MAN2A1: variants seen among roughly 807,000 people sequenced by gnomAD.
MAN2A1 encodes alpha-mannosidase 2.
MAN2A1 carries 76 observed loss-of-function variants against 142.6 expected under a neutral mutation model. The ratio of observed to expected loss-of-function variants is 0.53; its 90% CI spans 0.44 to 0.65. MAN2A1 has a LOEUF of 0.65. Ranked by LOEUF, MAN2A1 falls within the 30% of genes least tolerant of loss-of-function variation. The probability of loss-of-function intolerance (pLI) is 0.00; values close to 1 mark genes in which losing one functional copy is unlikely to be tolerated. For missense variants in MAN2A1, 1,311 were observed against 1,365.1 expected (o/e 0.96, Z 0.62); for synonymous variants, 559 against 473.2 (o/e 1.18, Z -2.35).
intron 8 of MAN2A1, among the ~76,000 whole-genome samples, chr5:109,776,508 G>A (rs1753296963): frequency 6.6e-6 from 1 of 152,044 alleles, no homozygotes; most frequent in Admixed American, 6.6e-5. Context: ...TTGGTTCATA[G>A]AAGCATCTGG....
At chr5:109,830,744 A>G (rs1044921924) in intron 16 of MAN2A1, among the ~76,000 whole-genome samples, 6 of 152,238 alleles carry the variant, frequency 3.9e-5, no homozygotes, top group East Asian at 1.9e-4. Context: ...ATAATATGCA[A>G]TTGACTGCTA....
At chr5:109,764,995 T>G (rs1298622778) in intron 5 of MAN2A1, among the ~76,000 whole-genome samples, 1 of 152,168 alleles carries the variant, frequency 6.6e-6, no homozygotes, top group Non-Finnish European at 1.5e-5. Context: ...CCCTTATCTC[T>G]AAATACTTCA....
chr5:109,732,778 G>A (rs2112589577), intron 4 of MAN2A1, among the ~76,000 whole-genome samples: 1 of 152,226 alleles, frequency 6.6e-6, no homozygotes, highest in Non-Finnish European at 1.5e-5. Context: ...TTGTAGTATA[G>A]TTTGAAGTCA....
chr5:109,736,527 GT>G (rs971107086), intron 4 of MAN2A1, among the ~76,000 whole-genome samples: 1 of 151,660 alleles, frequency 6.6e-6, no homozygotes, highest in African/African-American at 2.4e-5. Context: ...TAAAAAAAAA[GT>G]TTTTTTTAGG....
intron 5 of MAN2A1, among the ~76,000 whole-genome samples, chr5:109,764,563 T>C (rs1157952206): frequency 1.3e-5 from 2 of 152,188 alleles, no homozygotes; most frequent in Admixed American, 6.5e-5. Context: ...CTATCCCTAG[T>C]TCTCCACTCC....
Position 109,690,336 on chromosome 5 carries a change from C to G in MAN2A1, c.-82C>G. On this transcript the variant is annotated 5_prime_UTR_variant, in exon 1 of 22. Transcript: ENST00000261483. ...CGCGCAGCCCGGGAGAAGGGAGCCT[C>G]CGGCGGCTGCTTCCTAGAGTCCACA... 6.7e-7 allele frequency: 1 copy of G among 1,496,984 alleles called. No individual in the cohort carries two copies. Among genetic ancestry groups the G allele is most frequent in the African/African-American group, 1.4e-5 (1 of 72,552 alleles). The allele number at this position is 1,496,984 out of a possible 1,614,324, so 92.7% of individuals were successfully genotyped here. A position where few individuals can be genotyped will look rare whatever the true frequency, so the allele number is the denominator to read the frequency against.
At chr5:109,707,583 A>G (rs535301910) in intron 1 of MAN2A1, among the ~76,000 whole-genome samples, 13 of 152,186 alleles carry the variant, frequency 8.5e-5, no homozygotes, top group African/African-American at 1.2e-4. Context: ...ACAAGAAATA[A>G]ATTGAGATAA....
At chr5:109,734,013 G>A (rs1461322401) in intron 4 of MAN2A1, among the ~76,000 whole-genome samples, 3 of 152,084 alleles carry the variant, frequency 2.0e-5, no homozygotes, top group Non-Finnish European at 2.9e-5. Context: ...TGGTTGGTAA[G>A]CTATTGATTA....
Position 109,855,151 on chromosome 5 carries a change from G to A in MAN2A1, c.2988G>A (p.Lys996=). Residue 996 remains lysine, a synonymous_variant, in exon 20 of 22, where the codon AAG becomes AAA. Transcript: ENST00000261483. The part of the protein sequence containing the change: ...KRSAVNTEEE[K]KSVSYPSLLS... ...TTTTTTCTTGATAGGAAGAAGAAAA[G>A]AAGTCGGTCAGTTATCCTTCTCTCC... 1 of 1,541,784 alleles carries A rather than the reference G, an allele frequency of 6.5e-7. No homozygotes were observed. Among genetic ancestry groups the A allele is most frequent in the South Asian group, 1.3e-5 (1 of 76,036 alleles).
intron 8 of MAN2A1, among the ~76,000 whole-genome samples, chr5:109,775,877 A>G (rs1753277192): frequency 6.6e-6 from 1 of 152,102 alleles, no homozygotes; most frequent in African/African-American, 2.4e-5. Flanking sequence ...AGCAATAATC[A>G]TATATTGCAT....
chr5:109,762,495 G>C (rs1752878689), intron 5 of MAN2A1, among the ~76,000 whole-genome samples: 1 of 152,094 alleles, frequency 6.6e-6, no homozygotes. Context: ...GAGGCCTCTT[G>C]TGAGAGAGCA....
At chr5:109,856,770 G>A (rs993818929) in intron 20 of MAN2A1, among the ~76,000 whole-genome samples, 7 of 151,744 alleles carry the variant, frequency 4.6e-5, no homozygotes, top group South Asian at 2.1e-4. Context: ...GCAAATGCTC[G>A]AGGCGTGTGT....
At chr5:109,727,518 C>T (rs1199520924) in intron 3 of MAN2A1, among the ~76,000 whole-genome samples, 1 of 152,128 alleles carries the variant, frequency 6.6e-6, no homozygotes, top group Non-Finnish European at 1.5e-5. Flanking sequence ...CAGATCTGTC[C>T]ATAACAAGGG....
intron 3 of MAN2A1, among the ~76,000 whole-genome samples, chr5:109,723,124 G>C (rs1008038526): frequency 1.1e-4 from 16 of 152,274 alleles, no homozygotes; most frequent in Admixed American, 3.3e-4. Flanking sequence ...GTATAGGGCT[G>C]CAGGATGAAC....
chr5:109,778,371 A>G (rs1313530966), intron 8 of MAN2A1, among the ~76,000 whole-genome samples: 1 of 151,964 alleles, frequency 6.6e-6, no homozygotes, highest in African/African-American at 2.4e-5. Context: ...CTTTCTTACC[A>G]TGTACAATGG....
At chr5:109,832,161 C>CTTTTTTT (rs70999945) in intron 16 of MAN2A1, among the ~76,000 whole-genome samples, 119 of 51,096 alleles carry the variant, frequency 2.3e-3, no homozygotes, top group Non-Finnish European at 2.8e-3. Context: ...AAGGAGTTTT[C>CTTTTTTT]TTTTTTTTTT....
intron 3 of MAN2A1, among the ~76,000 whole-genome samples, chr5:109,727,011 G>A (rs910412556): frequency 6.6e-6 from 1 of 152,086 alleles, no homozygotes; most frequent in Non-Finnish European, 1.5e-5. Flanking sequence ...ATTTACTTAC[G>A]TACATTTGAA....
chr5:109,759,131 A>T (rs1336753720), intron 5 of MAN2A1, among the ~76,000 whole-genome samples: 1 of 152,100 alleles, frequency 6.6e-6, no homozygotes, highest in African/African-American at 2.4e-5. Flanking sequence ...GTTGTATTAA[A>T]TCTGTAGGTC....
Position 109,817,319 on chromosome 5 carries a change from G to C in MAN2A1, c.1990G>C (p.Val664Leu), listed in dbSNP as rs1359829198. 15 of 1,613,972 alleles carry C rather than the reference G, an allele frequency of 9.3e-6. No homozygotes were observed. The highest frequency in any genetic ancestry group is 1.2e-5 in the Non-Finnish European group (14 of 1,180,026). ...TTTAGAACAAGACCGAATCTCGTTG[G>C]TCTCAGTCTATGTGAGTTCCCCGAC... ...NPLEQDRISLVSVYVSSPTVQ... is the reference protein window; with the variant it reads ...NPLEQDRISLLSVYVSSPTVQ... Residue 664 changes from valine (V) to leucine (L), a missense_variant, in exon 13 of 22, where the codon GTC becomes CTC. Coordinates refer to ENST00000261483, the MANE Select transcript of MAN2A1 (RefSeq NM_002372.4).
Sources: allele counts gnomAD v4.1 joint callset (sites outside exome capture counted in the v4.1 genomes callset), GRCh38; gene constraint gnomAD v4.1.1; transcripts MANE v1.5; gene names NCBI Gene and HGNC (gene_info 2026-07-23, HGNC 2026-07-21).